Variants in ALPK1 observed in about 807,000 individuals in gnomAD.
ALPK1 encodes alpha-protein kinase 1.
A neutral mutation model predicts 120.6 loss-of-function variants in ALPK1; 110 were observed. The observed-to-expected ratio is 0.91, with a 90% CI of 0.78 to 1.07. The LOEUF (loss-of-function observed/expected upper bound fraction) is 1.07. ALPK1 is among the 50% of genes least tolerant of loss of function. The pLI, the probability that ALPK1 is intolerant of heterozygous loss-of-function variation, is 0.00. For synonymous variants in ALPK1, 582 were observed against 560.3 expected (o/e 1.04, Z -0.55); for missense variants, 1,498 against 1,483.9 (o/e 1.01, Z -0.16).
intron 4 of ALPK1, among the ~76,000 whole-genome samples, chr4:112,385,317 C>A (rs1252766695): frequency 6.6e-6 from 1 of 152,186 alleles, no homozygotes; most frequent in African/African-American, 2.4e-5. Context: ...TCCCGCTATG[C>A]CTCTCTATAC....
At chr4:112,354,587 C>T (rs375803569) in intron 2 of ALPK1, among the ~76,000 whole-genome samples, 1 of 152,190 alleles carries the variant, frequency 6.6e-6, no homozygotes, top group African/African-American at 2.4e-5. Context: ...CGAGCCTCAG[C>T]CTCCCAAGTA....
At chr4:112,373,540 C>T (rs1009886255) in intron 2 of ALPK1, among the ~76,000 whole-genome samples, 1 of 152,130 alleles carries the variant, frequency 6.6e-6, no homozygotes, top group African/African-American at 2.4e-5. Context: ...AAGTGTACCT[C>T]AAAGATATTG....
rs755533113 is a variant in ALPK1, at chr4:112,439,768, C to T, written c.3434C>T (p.Thr1145Met). 1.1e-5 allele frequency: 17 copies of T among 1,613,544 alleles called. No homozygotes were observed. The highest frequency in any genetic ancestry group is 2.2e-5 in the South Asian group (2 of 91,004). ...LGEFVKLSNN[T>M]KVVKTEYKAT... ...GAATTTGTAAAATTGTCAAATAACA[C>T]GAAAGTGGTGAAAACAGAATACAAA... Residue 1145 changes from threonine (T) to methionine (M), a missense_variant, in exon 14 of 16, where the codon ACG becomes ATG. Coordinates refer to ENST00000650871, the MANE Select transcript of ALPK1 (RefSeq NM_025144.4).
At chr4:112,401,208 G>A (rs1732899159) in intron 4 of ALPK1, among the ~76,000 whole-genome samples, 1 of 152,118 alleles carries the variant, frequency 6.6e-6, no homozygotes, top group East Asian at 1.9e-4. Context: ...AACAGAGGCA[G>A]AAAAAGGGAG....
At chr4:112,359,224 G>C (rs535643195) in intron 2 of ALPK1, 1 of 576,806 alleles carries the variant, frequency 1.7e-6, no homozygotes, top group Non-Finnish European at 3.1e-6. Context: ...CCACAGTGGG[G>C]GTCCAGAGCG....
At chr4:112,297,966 C>T (rs1372935484) in intron 1 of ALPK1, among the ~76,000 whole-genome samples, 3 of 152,138 alleles carry the variant, frequency 2.0e-5, no homozygotes, top group Non-Finnish European at 4.4e-5. Flanking sequence ...ACGAGACTTA[C>T]TCGTCTCATA....
chr4:112,387,328 T>C (rs964531), intron 4 of ALPK1, among the ~76,000 whole-genome samples: 60,495 of 152,084 alleles, frequency 0.4, 12,507 homozygotes, highest in East Asian at 0.72. Flanking sequence ...GGGAGCAGAT[T>C]GGGCTGCAAG....
chr4:112,342,423 GT>G (rs1729902080), intron 2 of ALPK1, among the ~76,000 whole-genome samples: 1 of 152,150 alleles, frequency 6.6e-6, no homozygotes, highest in South Asian at 2.1e-4. Flanking sequence ...TAAATGTTAT[GT>G]TACTTGCCTC....
Position 112,323,437 on chromosome 4 carries a change from A to G in ALPK1, c.-101+7585A>G, listed in dbSNP as rs888419342. Among the ~76,000 whole-genome samples the G allele has an allele frequency of 5.3e-5, 8 of 152,162 alleles. No individual in the cohort carries two copies. In the East Asian group the frequency reaches 1.3e-3, roughly 26 times the overall value. On this transcript the variant is annotated intron_variant, in intron 2 of 15. Transcript: ENST00000650871. ...AAAATTCCAGAACTATGTCTAATTC[A>G]TCCTTATATCACCTTACAGATCCTG...
intron 2 of ALPK1, among the ~76,000 whole-genome samples, chr4:112,353,631 G>A (rs556900406): frequency 1.5e-4 from 23 of 152,202 alleles, no homozygotes; most frequent in African/African-American, 4.1e-4. Context: ...ACTTTGGGAG[G>A]CCGAGGCAGG....
At chr4:112,335,145 A>G (rs1482266326) in intron 2 of ALPK1, among the ~76,000 whole-genome samples, 2 of 152,186 alleles carry the variant, frequency 1.3e-5, no homozygotes, top group East Asian at 3.9e-4. Flanking sequence ...AATCCCTGGC[A>G]CTTGGGAGGC....
At chr4:112,396,614 ATTTTCTT>A (rs1560669297) in intron 4 of ALPK1, among the ~76,000 whole-genome samples, 1 of 152,164 alleles carries the variant, frequency 6.6e-6, no homozygotes, top group Non-Finnish European at 1.5e-5. Flanking sequence ...AACTTTTAGA[ATTTTCTT>A]TATATTTTGA....
intron 2 of ALPK1, among the ~76,000 whole-genome samples, chr4:112,372,650 C>T (rs534160759): frequency 6.6e-6 from 1 of 152,288 alleles, no homozygotes; most frequent in Non-Finnish European, 1.5e-5. Context: ...AATCTACTCT[C>T]TTAGCAATTT....
At chr4:112,399,092 G>A (rs185300031) in intron 4 of ALPK1, among the ~76,000 whole-genome samples, 2 of 152,306 alleles carry the variant, frequency 1.3e-5, no homozygotes, top group African/African-American at 4.8e-5. Context: ...CGAGGAAAGA[G>A]AAACAGGATG....
chr4:112,430,427 G>C, intron 10 of ALPK1, 21 bp from the exon 11 acceptor site: 1 of 1,541,620 alleles, frequency 6.5e-7, no homozygotes, highest in Non-Finnish European at 8.8e-7. Flanking sequence ...TATCTGATTT[G>C]GTATTTGGTA....
chr4:112,410,307 CCCAGCTCTTAGT>C (rs1376044043), intron 4 of ALPK1, among the ~76,000 whole-genome samples: 2 of 152,126 alleles, frequency 1.3e-5, no homozygotes, highest in Non-Finnish European at 2.9e-5. Flanking sequence ...GTGTTCAAAC[CCCAGCTCTTAGT>C]CATGTGACCT....
chr4:112,430,377 T>C, intron 10 of ALPK1, 71 bp from the exon 11 acceptor site: 1 of 1,363,352 alleles, frequency 7.3e-7, no homozygotes, highest in Non-Finnish European at 1.0e-6. Context: ...CCTCCAGAAA[T>C]GAAAAGTTTG....
intron 4 of ALPK1, among the ~76,000 whole-genome samples, chr4:112,392,712 A>G (rs377307541): frequency 3.3e-5 from 5 of 152,006 alleles, no homozygotes; most frequent in African/African-American, 1.2e-4. Flanking sequence ...TTTTTTGTAG[A>G]GATGGGTTTC....
In ALPK1 at chr4:112,438,163, C is replaced by A. The variant is rs894814894; in HGVS notation, c.3189-321C>A. ...CTGCAGGGAGTGGAAGGTTTTGACTCCAGAATCCATGCACATTCCAGTATA... is the reference window on the plus strand; with the variant it reads ...CTGCAGGGAGTGGAAGGTTTTGACTACAGAATCCATGCACATTCCAGTATA... On this transcript the variant is annotated intron_variant, in intron 12 of 15. Coordinates refer to ENST00000650871, the MANE Select transcript of ALPK1 (RefSeq NM_025144.4). 3.9e-5 allele frequency among the ~76,000 whole-genome samples: 6 copies of A among 152,248 alleles called. No homozygotes were observed. In the East Asian group the frequency reaches 1.2e-3, roughly 29 times the overall value.
Sources: gnomAD v4.1 joint callset for allele counts (sites outside exome capture counted in the v4.1 genomes callset) on GRCh38, gnomAD v4.1.1 for gene constraint, MANE v1.5 for transcripts, NCBI Gene and HGNC (gene_info 2026-07-23, HGNC 2026-07-21) for gene names.